Variants in PRDM11 observed in about 807,000 individuals in gnomAD.
The protein encoded by PRDM11 is PR domain-containing protein 11.
PRDM11 carries 20 observed loss-of-function variants against 97.8 expected under a neutral mutation model. The observed-to-expected ratio is 0.20, with a 90% CI of 0.14 to 0.30. The LOEUF is 0.30. Ranked by LOEUF, PRDM11 falls within the 10% of genes least tolerant of loss-of-function variation. The pLI is 1.00. For synonymous variants in PRDM11, 599 were observed against 637.7 expected, an observed-to-expected ratio of 0.94 and a Z score of 0.91; for missense variants, 1,139 against 1,555.2, an observed-to-expected ratio of 0.73 and a Z score of 4.50.
intron 1 of PRDM11, among the ~76,000 whole-genome samples, chr11:45,173,622 CAAAAAAA>C (rs1163035481): frequency 4.4e-5 from 3 of 68,384 alleles, no homozygotes; most frequent in Middle Eastern, 9.6e-3. Context: ...AACACCGCGT[CAAAAAAA>C]AAAAAAAAAA....
chr11:45,173,622 C>CA (rs1163035481), intron 1 of PRDM11, among the ~76,000 whole-genome samples: 1,168 of 68,154 alleles, frequency 0.017, 9 homozygotes, highest in Middle Eastern at 0.029. Context: ...AACACCGCGT[C>CA]AAAAAAAAAA....
rs773370885 is a variant in PRDM11, at chr11:45,183,117, C to T, written c.480C>T (p.Ser160=). Residue 160 remains serine, a synonymous_variant, in exon 4 of 8, where the codon TCC becomes TCT. Transcript: ENST00000683152. The part of the protein sequence containing the change: ...STQDKSAGFF[S]WLIVDKNNRY... ...AGGACAAATCAGCTGGCTTCTTCTCCTGGCTGGTGAGTGTGCCCTGGGCTA... is the reference window on the plus strand; with the variant it reads ...AGGACAAATCAGCTGGCTTCTTCTCTTGGCTGGTGAGTGTGCCCTGGGCTA... The T allele has an allele frequency of 3.1e-6, 5 of 1,612,238 alleles. No individual in the cohort carries two copies. Among genetic ancestry groups the T allele is most frequent in the African/African-American group, 1.3e-5 (1 of 75,024 alleles).
At chr11:45,094,205 T>A (rs1851851483), upstream of PRDM11, among the ~76,000 whole-genome samples, 1 of 152,214 alleles carries the variant, frequency 6.6e-6, no homozygotes, top group African/African-American at 2.4e-5. Flanking sequence ...GTGAGTCCCT[T>A]GTCCTCCTCT....
At chr11:45,150,139 C>T (rs1268200189) in intron 1 of PRDM11, among the ~76,000 whole-genome samples, 1 of 152,156 alleles carries the variant, frequency 6.6e-6, no homozygotes, top group Non-Finnish European at 1.5e-5. Context: ...TCACATGGGC[C>T]TTCCTCATGC....
At chr11:45,187,301 C>T (rs1016166325) in intron 4 of PRDM11, among the ~76,000 whole-genome samples, 2 of 152,126 alleles carry the variant, frequency 1.3e-5, no homozygotes, top group African/African-American at 4.8e-5. Context: ...CAGAGGAAGC[C>T]TATGGCTTCA....
rs150660506 is a variant in PRDM11, at chr11:45,182,258, G to A, written c.132G>A (p.Pro44=). ...CTGCCCTGGCCAGCTCTAGGAGACCGGACTCCTCGGCCATGGAAGTTGAGC... is the reference window on the plus strand; with the variant it reads ...CTGCCCTGGCCAGCTCTAGGAGACCAGACTCCTCGGCCATGGAAGTTGAGC... The part of the protein sequence containing the change: ...QEYGQPCSRR[P]DSSAMEVEPK... The change falls in exon 3 of 8, where the codon CCG becomes CCA. Residue 44 remains proline (P), a synonymous_variant. Coordinates refer to ENST00000683152, the MANE Select transcript of PRDM11 (RefSeq NM_001384648.1). 59 of 1,613,898 alleles carry A rather than the reference G, an allele frequency of 3.7e-5. No homozygotes were observed. The East Asian group carries it at 8.2e-4, about 23-fold the overall frequency.
At chr11:45,171,790 G>A (rs574928278) in intron 1 of PRDM11, among the ~76,000 whole-genome samples, 2 of 152,228 alleles carry the variant, frequency 1.3e-5, no homozygotes, top group Admixed American at 6.5e-5. Context: ...CAGAGGTAGC[G>A]TGGATTTCAG....
At chr11:45,166,948 A>T (rs1413058877) in intron 1 of PRDM11, among the ~76,000 whole-genome samples, 1 of 152,200 alleles carries the variant, frequency 6.6e-6, no homozygotes, top group African/African-American at 2.4e-5. Context: ...ATTCACAGAT[A>T]TTATTCTCTG....
At chr11:45,222,542 T>C (rs930675759) in intron 6 of PRDM11, among the ~76,000 whole-genome samples, 20 of 152,212 alleles carry the variant, frequency 1.3e-4, no homozygotes, top group African/African-American at 3.9e-4. Flanking sequence ...TCAGCTGATA[T>C]AGAAGTGCAG....
intron 1 of PRDM11, among the ~76,000 whole-genome samples, chr11:45,096,918 C>A (rs1201345833): frequency 6.6e-6 from 1 of 152,228 alleles, no homozygotes; most frequent in African/African-American, 2.4e-5. Flanking sequence ...TCATGCCAAT[C>A]CTGGCAGGGA....
chr11:45,164,945 A>G (rs369250059), intron 1 of PRDM11, among the ~76,000 whole-genome samples: 23 of 152,192 alleles, frequency 1.5e-4, no homozygotes, highest in South Asian at 6.2e-4. Flanking sequence ...TCCAAGGTCT[A>G]TGCCTCTGTG....
chr11:45,127,645 A>G (rs1852607830), intron 1 of PRDM11, among the ~76,000 whole-genome samples: 1 of 152,222 alleles, frequency 6.6e-6, no homozygotes, highest in Admixed American at 6.5e-5. Context: ...TGGCTGCAGA[A>G]CAGCGGTGGC....
At chr11:45,095,021 G>T (rs1013782337), upstream of PRDM11, among the ~76,000 whole-genome samples, 1 of 152,130 alleles carries the variant, frequency 6.6e-6, no homozygotes, top group Non-Finnish European at 1.5e-5. Context: ...ACCAGCACAG[G>T]CATGGGGGCA....
chr11:45,138,293 G>A (rs889949763), intron 1 of PRDM11, among the ~76,000 whole-genome samples: 5 of 152,206 alleles, frequency 3.3e-5, no homozygotes, highest in African/African-American at 1.2e-4. Context: ...GAGGCTGGGT[G>A]TGGTGCTCCC....
intron 1 of PRDM11, among the ~76,000 whole-genome samples, chr11:45,101,555 C>CAAAAAAAA (rs1172482163): frequency 0.072 from 4,375 of 61,156 alleles, 364 homozygotes; most frequent in Non-Finnish European, 0.11. Flanking sequence ...CACTCTGTCT[C>CAAAAAAAA]AAAAAAAAAA....
At chr11:45,152,985 G>C (rs534595241) in intron 1 of PRDM11, among the ~76,000 whole-genome samples, 3 of 152,206 alleles carry the variant, frequency 2.0e-5, no homozygotes, top group Admixed American at 2.0e-4. Context: ...AGTGGCTTGG[G>C]CATAAGGCTG....
intron 6 of PRDM11, 152 bp from the exon 7 acceptor site, chr11:45,224,065 G>C (rs948779525): frequency 1.1e-6 from 1 of 871,266 alleles, no homozygotes; most frequent in African/African-American, 1.7e-5. Context: ...ACCACTGAGT[G>C]ATTCGTATCT....
At chr11:45,127,320 CCTT>C (rs1852597275) in intron 1 of PRDM11, among the ~76,000 whole-genome samples, 1 of 152,198 alleles carries the variant, frequency 6.6e-6, no homozygotes, top group South Asian at 2.1e-4. Flanking sequence ...TCATCTGAAG[CCTT>C]CTTCTCCCAA....
rs769490086 is a variant in PRDM11, at chr11:45,181,763, C to T, written c.-4C>T. ...TGGTCCCACCTCCTGCGTCCCAGGA[C>T]AGAATGACCGAGAACATGAAGGAGT... On this transcript the variant is annotated splice_region_variant and 5_prime_UTR_variant, in exon 2 of 8. Coordinates refer to ENST00000683152, the MANE Select transcript of PRDM11 (RefSeq NM_001384648.1). The T allele has an allele frequency of 1.2e-6, 2 of 1,612,424 alleles. No individual in the cohort carries two copies. Among genetic ancestry groups the T allele is most frequent in the South Asian group, 2.2e-5 (2 of 91,008 alleles).
Sources: gnomAD v4.1 joint callset for allele counts (sites outside exome capture counted in the v4.1 genomes callset) on GRCh38, gnomAD v4.1.1 for gene constraint, MANE v1.5 for transcripts, NCBI Gene and HGNC (gene_info 2026-07-23, HGNC 2026-07-21) for gene names.